ADAMTSL1: variants seen among roughly 807,000 people sequenced by gnomAD.
The protein encoded by ADAMTSL1 is ADAMTS like 1.
In ADAMTSL1, 126 loss-of-function variants were observed where a neutral mutation model predicts 201.8. That is an observed-to-expected ratio of 0.62 (90% CI 0.54 to 0.72). The LOEUF is 0.72. Ranked by LOEUF, ADAMTSL1 falls within the 30% of genes least tolerant of loss-of-function variation. The pLI is 0.00. For missense variants in ADAMTSL1, 2,679 were observed against 2,277.8 expected (o/e 1.18, Z -3.59); for synonymous variants, 1,121 against 903.4 (o/e 1.24, Z -4.32).
At chr9:18,280,328 A>G (rs957250986) in intron 2 of ADAMTSL1, among the ~76,000 whole-genome samples, 2 of 151,052 alleles carry the variant, frequency 1.3e-5, no homozygotes, top group African/African-American at 2.4e-5. Context: ...CTAGGGCCTA[A>G]GGGGGTGGCT....
intron 1 of ADAMTSL1, among the ~76,000 whole-genome samples, chr9:18,004,043 A>C (rs1586881878): frequency 3.3e-5 from 5 of 152,054 alleles, no homozygotes; most frequent in Admixed American, 3.3e-4. Flanking sequence ...ATTTCTTTTG[A>C]TGATTATAAA....
intron 2 of ADAMTSL1, among the ~76,000 whole-genome samples, chr9:18,177,335 G>A (rs949822388): frequency 9.9e-5 from 15 of 152,058 alleles, no homozygotes; most frequent in Non-Finnish European, 1.3e-4. Context: ...GAAGAAATTC[G>A]CCTTAGCTTT....
At chr9:18,820,676 C>A (rs1043344404) in intron 21 of ADAMTSL1, among the ~76,000 whole-genome samples, 3 of 152,172 alleles carry the variant, frequency 2.0e-5, no homozygotes, top group African/African-American at 7.2e-5. Flanking sequence ...CAACTTTTTG[C>A]GTACATGTGC....
chr9:18,181,092 G>C (rs1397811922), intron 2 of ADAMTSL1, among the ~76,000 whole-genome samples: 4 of 152,130 alleles, frequency 2.6e-5, no homozygotes, highest in Non-Finnish European at 5.9e-5. Context: ...TATGTAGAAA[G>C]CTGAAACTGG....
intron 1 of ADAMTSL1, among the ~76,000 whole-genome samples, chr9:18,482,898 C>T (rs948317730): frequency 2.0e-5 from 3 of 152,196 alleles, no homozygotes; most frequent in African/African-American, 7.2e-5. Context: ...CCATTTGTCA[C>T]TGAGACCTAA....
intron 13 of ADAMTSL1, among the ~76,000 whole-genome samples, chr9:18,690,252 A>T (rs1831132586): frequency 6.6e-6 from 1 of 152,184 alleles, no homozygotes; most frequent in Non-Finnish European, 1.5e-5. Context: ...ATATTTAAGC[A>T]TATGTTTTCA....
chr9:18,896,730 T>C (rs1829659624), intron 26 of ADAMTSL1, among the ~76,000 whole-genome samples: 1 of 152,148 alleles, frequency 6.6e-6, no homozygotes, highest in Non-Finnish European at 1.5e-5. Context: ...AATCAGTGGA[T>C]CAGGAGATCC....
rs554075337 is a variant in ADAMTSL1, at chr9:18,827,027, G to A, written c.4114+564G>A. 3.3e-5 allele frequency among the ~76,000 whole-genome samples: 5 copies of A among 151,954 alleles called. No individual in the cohort carries two copies. In the East Asian group the frequency reaches 9.7e-4, roughly 29 times the overall value. ...AATGGGTGCTTAAAAATAATTGCTG[G>A]GACACCATCCACCATCTGATTATTG... is the stretch of plus-strand genomic sequence containing the variant. On this transcript the variant is annotated intron_variant, in intron 22 of 28. Coordinates refer to ENST00000380548, the MANE Select transcript of ADAMTSL1 (RefSeq NM_001040272.6).
intron 23 of ADAMTSL1, among the ~76,000 whole-genome samples, chr9:18,886,191 T>TATATAC (rs1563888173): frequency 7.6e-6 from 1 of 130,810 alleles, no homozygotes; most frequent in African/African-American, 2.9e-5. Flanking sequence ...TATATATATA[T>TATATAC]ATATATATAT....
At chr9:18,734,378 A>C (rs1818391661) in intron 15 of ADAMTSL1, among the ~76,000 whole-genome samples, 1 of 152,186 alleles carries the variant, frequency 6.6e-6, no homozygotes, top group African/African-American at 2.4e-5. Flanking sequence ...GGGACTGCCC[A>C]GTCTAGACCA....
intron 1 of ADAMTSL1, among the ~76,000 whole-genome samples, chr9:18,058,074 A>G (rs1822276915): frequency 6.6e-6 from 1 of 152,230 alleles, no homozygotes; most frequent in Non-Finnish European, 1.5e-5. Context: ...ATCTAAATAA[A>G]TATTTGCTAG....
At chr9:18,130,618 C>T (rs2156683) in intron 1 of ADAMTSL1, among the ~76,000 whole-genome samples, 58,420 of 151,960 alleles carry the variant, frequency 0.38, 12,501 homozygotes, top group South Asian at 0.48. Flanking sequence ...TTAAAAGACA[C>T]GGATTATGTC....
At chr9:18,548,691 G>T (rs1225160515) in intron 3 of ADAMTSL1, among the ~76,000 whole-genome samples, 1 of 151,984 alleles carries the variant, frequency 6.6e-6, no homozygotes, top group Non-Finnish European at 1.5e-5. Context: ...TAGAACGTAA[G>T]TGACACAAAT....
chr9:18,043,025 T>C (rs1024500832), intron 1 of ADAMTSL1, among the ~76,000 whole-genome samples: 3 of 152,092 alleles, frequency 2.0e-5, no homozygotes, highest in Non-Finnish European at 4.4e-5. Flanking sequence ...AGACAAAAAG[T>C]AAGGAAAAGA....
intron 20 of ADAMTSL1, among the ~76,000 whole-genome samples, chr9:18,799,919 GC>G (rs1295740301): frequency 6.6e-6 from 1 of 152,174 alleles, no homozygotes; most frequent in African/African-American, 2.4e-5. Flanking sequence ...GATTGTGTAA[GC>G]TTATCATAAT....
chr9:18,478,241 T>A (rs983192093), intron 1 of ADAMTSL1, among the ~76,000 whole-genome samples: 2 of 152,180 alleles, frequency 1.3e-5, no homozygotes, highest in Admixed American at 6.5e-5. Flanking sequence ...AAGTTACTCA[T>A]GTTTTTTAAA....
chr9:18,791,284 G>C (rs1588116418), intron 19 of ADAMTSL1, among the ~76,000 whole-genome samples: 2 of 152,108 alleles, frequency 1.3e-5, no homozygotes, highest in Non-Finnish European at 2.9e-5. Flanking sequence ...CCGCCTAGTG[G>C]CAGCCTTCAA....
intron 2 of ADAMTSL1, among the ~76,000 whole-genome samples, chr9:18,370,027 C>G (rs1347951587): frequency 6.6e-6 from 1 of 152,102 alleles, no homozygotes; most frequent in African/African-American, 2.4e-5. Flanking sequence ...TGTCTGTAAT[C>G]CCAGCACTTT....
intron 14 of ADAMTSL1, among the ~76,000 whole-genome samples, chr9:18,711,583 C>T (rs1313926003): frequency 1.3e-5 from 2 of 152,250 alleles, no homozygotes; most frequent in East Asian, 3.8e-4. Context: ...CCGCACCTGG[C>T]TCGGAGGGTC....
Sources: allele counts gnomAD v4.1 joint callset (sites outside exome capture counted in the v4.1 genomes callset), GRCh38; gene constraint gnomAD v4.1.1; transcripts MANE v1.5; gene names NCBI Gene and HGNC (gene_info 2026-07-23, HGNC 2026-07-21).